The following PCDHA9 variants were observed in gnomAD, a reference collection of about 807,000 sequenced individuals.
PCDHA9 encodes protocadherin alpha 9, also known as protocadherin alpha-9.
A neutral mutation model predicts 62.0 loss-of-function variants in PCDHA9; 62 were observed. The ratio of observed to expected loss-of-function variants is 1.00; its 90% confidence interval spans 0.81 to 1.23. The LOEUF (loss-of-function observed/expected upper bound fraction) is 1.23. Ranked by LOEUF, PCDHA9 falls within the 50% of genes most tolerant of loss-of-function variation. The pLI, the probability that PCDHA9 is intolerant of heterozygous loss-of-function variation, is 0.00. For synonymous variants in PCDHA9, 557 were observed against 567.6 expected, an observed-to-expected ratio of 0.98 and a Z score of 0.27; for missense variants, 1,205 against 1,249.8, an observed-to-expected ratio of 0.96 and a Z score of 0.54.
chr5:140,951,983 A>G (rs1043433314), intron 1 of PCDHA9, among the ~76,000 whole-genome samples: 1 of 152,214 alleles, frequency 6.6e-6, no homozygotes, highest in African/African-American at 2.4e-5. Context: ...CAAAAGGGAA[A>G]AACCAGCCAA....
intron 1 of PCDHA9, chr5:140,927,270 C>G: frequency 6.2e-7 from 1 of 1,614,150 alleles, no homozygotes; most frequent in Non-Finnish European, 8.5e-7. Context: ...TCTTTCCTGC[C>G]GGCGACGTGC....
chr5:140,856,342 C>T (rs1286159283), intron 1 of PCDHA9: 3 of 1,598,498 alleles, frequency 1.9e-6, no homozygotes, highest in Non-Finnish European at 2.6e-6. Context: ...GCGGGCGGAG[C>T]GTGGAGTGCA....
chr5:140,963,771 GA>G (rs1459827253), intron 1 of PCDHA9, among the ~76,000 whole-genome samples: 2 of 152,164 alleles, frequency 1.3e-5, no homozygotes, highest in African/African-American at 4.8e-5. Context: ...ATTTCATGAC[GA>G]CAGCAACAAC....
intron 3 of PCDHA9, among the ~76,000 whole-genome samples, chr5:140,991,929 C>T (rs1250639930): frequency 1.3e-5 from 2 of 152,088 alleles, no homozygotes; most frequent in South Asian, 2.1e-4. Flanking sequence ...ATAACATATT[C>T]ACAAGTTCTA....
At chr5:140,921,333 A>G (rs1245281166) in intron 1 of PCDHA9, among the ~76,000 whole-genome samples, 1 of 152,182 alleles carries the variant, frequency 6.6e-6, no homozygotes, top group Admixed American at 6.5e-5. Flanking sequence ...GTCTGGTCCA[A>G]TCACATAATA....
chr5:140,857,254 T>C (rs2044453142), intron 1 of PCDHA9: 2 of 1,598,512 alleles, frequency 1.3e-6, no homozygotes, highest in East Asian at 4.5e-5. Flanking sequence ...CCTACAAGAA[T>C]TACTACTCAT....
Position 140,857,830 on chromosome 5 carries a change from C to G in PCDHA9, c.2394+6941C>G, listed in dbSNP as rs782060681. On this transcript the variant is annotated intron_variant, in intron 1 of 3. Coordinates refer to ENST00000532602, the MANE Select transcript of PCDHA9 (RefSeq NM_031857.2). ...CGGGTCACGTGGTGGCTAAGGTGCG[C>G]GCAGTGGACGCTGACTCTGGATACA... is the stretch of plus-strand genomic sequence containing the variant. 1.6e-5 allele frequency: 26 copies of G among 1,597,596 alleles called. 3 individuals carry two copies. The highest frequency in any genetic ancestry group is 2.1e-5 in the Non-Finnish European group (25 of 1,167,516).
At chr5:140,969,945 A>G (rs2096371634) in intron 1 of PCDHA9, among the ~76,000 whole-genome samples, 1 of 152,214 alleles carries the variant, frequency 6.6e-6, no homozygotes, top group South Asian at 2.1e-4. Flanking sequence ...TACTGAAGCT[A>G]AAGTTTGCTT....
Position 140,851,010 on chromosome 5 carries a change from T to C in PCDHA9, c.2394+121T>C, listed in dbSNP as rs200591127. 6.3e-5 allele frequency: 90 copies of C among 1,436,878 alleles called. 3 individuals are homozygous for C. In the African/African-American group the frequency reaches 1.2e-3, roughly 20 times the overall value. The allele number at this position is 1,436,878 out of a possible 1,614,324, so 89.0% of individuals were successfully genotyped here. A position where few individuals can be genotyped will look rare whatever the true frequency, so the allele number is the denominator to read the frequency against. On this transcript the variant is annotated intron_variant, in intron 1 of 3. Transcript: ENST00000532602. ...TTTTCTAGAAATCCAGCAGATTTTT[T>C]TTCTGATAAAGTAAACCCCTTAACA...
intron 1 of PCDHA9, chr5:140,967,773 A>C (rs1285230643): frequency 1.9e-6 from 3 of 1,614,108 alleles, no homozygotes; most frequent in Non-Finnish European, 1.7e-6. Context: ...ATCTATGTGC[A>C]GGCGACTGAC....
In PCDHA9 at chr5:140,915,632, C is replaced by CTCTG. The variant is rs1161142039; in HGVS notation, c.2395-63314_2395-63313insGTCT. 3.9e-3 allele frequency among the ~76,000 whole-genome samples: 565 copies of CTCTG among 144,610 alleles called. 2 individuals are homozygous for CTCTG. Among genetic ancestry groups the CTCTG allele is most frequent in the African/African-American group, 0.016 (538 of 34,672 alleles). 94.9% of individuals were successfully genotyped at this position (144,610 alleles called of 152,430 possible). A position where few individuals can be genotyped will look rare whatever the true frequency, so the allele number is the denominator to read the frequency against. On this transcript the variant is annotated intron_variant, in intron 1 of 3. Coordinates refer to ENST00000532602, the MANE Select transcript of PCDHA9 (RefSeq NM_031857.2). ...TGTCAAACAGTCTCTTTCTGTCTCT[C>CTCTG]TCTCTCTCTCTCTCTCTCTCTCTCA...
At chr5:140,985,582 C>T (rs2097158950) in intron 3 of PCDHA9, among the ~76,000 whole-genome samples, 1 of 152,116 alleles carries the variant, frequency 6.6e-6, no homozygotes, top group Admixed American at 6.5e-5. Context: ...CCTAAGCCTC[C>T]TTATACTTGC....
At chr5:140,967,815 A>G in intron 1 of PCDHA9, 1 of 1,614,180 alleles carries the variant, frequency 6.2e-7, no homozygotes. Context: ...GGTCACTGCA[A>G]GGTGCTGGTG....
At chr5:140,999,947 G>A (rs993598998) in intron 3 of PCDHA9, among the ~76,000 whole-genome samples, 1 of 152,110 alleles carries the variant, frequency 6.6e-6, no homozygotes, top group Non-Finnish European at 1.5e-5. Flanking sequence ...CACCCAAAGA[G>A]GGTGAAATAC....
chr5:140,870,325 C>T (rs1554164071), intron 1 of PCDHA9: 1 of 1,614,080 alleles, frequency 6.2e-7, no homozygotes, highest in African/African-American at 1.3e-5. Context: ...CTCGTTGGTG[C>T]TGGACAGCGC....
chr5:140,975,983 T>A (rs975014640), intron 1 of PCDHA9, among the ~76,000 whole-genome samples: 31 of 152,290 alleles, frequency 2.0e-4, no homozygotes, highest in Admixed American at 2.0e-3. Flanking sequence ...AGCATAGTCC[T>A]GGGAGGTACC....
chr5:140,959,795 T>G (rs2095511248), intron 1 of PCDHA9, among the ~76,000 whole-genome samples: 1 of 152,180 alleles, frequency 6.6e-6, no homozygotes, highest in Non-Finnish European at 1.5e-5. Flanking sequence ...CATGGCTAAT[T>G]TAGAGGATTT....
At chr5:140,952,962 C>T (rs246032) in intron 1 of PCDHA9, among the ~76,000 whole-genome samples, 1 of 151,598 alleles carries the variant, frequency 6.6e-6, no homozygotes, top group Non-Finnish European at 1.5e-5. Context: ...GGAAGTGATA[C>T]ACACTTTTAA....
At chr5:140,952,721 G>A (rs781821007) in intron 1 of PCDHA9, among the ~76,000 whole-genome samples, 1 of 152,100 alleles carries the variant, frequency 6.6e-6, no homozygotes, top group Non-Finnish European at 1.5e-5. Context: ...TCAATTTTCT[G>A]TACTAGTCTT....
Sources: allele counts gnomAD v4.1 joint callset (sites outside exome capture counted in the v4.1 genomes callset), GRCh38; gene constraint gnomAD v4.1.1; transcripts MANE v1.5; gene names NCBI Gene and HGNC (gene_info 2026-07-23, HGNC 2026-07-21).